Variants in AKAP9 observed in about 807,000 individuals in gnomAD.
AKAP9 encodes A-kinase anchor protein 9.
Under a neutral mutation model 488.5 loss-of-function variants are expected in AKAP9, and 311 were observed. That is an observed-to-expected ratio of 0.64 (90% confidence interval 0.58 to 0.70). The LOEUF (loss-of-function observed/expected upper bound fraction) is 0.70. Ranked by LOEUF, AKAP9 falls within the 30% of genes least tolerant of loss-of-function variation. The pLI, the probability that AKAP9 is intolerant of heterozygous loss-of-function variation, is 0.00. For synonymous variants in AKAP9, 1,462 were observed against 1,483.5 expected, an observed-to-expected ratio of 0.99 and a Z score of 0.33; for missense variants, 4,215 against 4,374.5, an observed-to-expected ratio of 0.96 and a Z score of 1.03.
At chr7:92,053,083 T>C in intron 22 of AKAP9, 125 bp downstream of exon 22, 2 of 755,562 alleles carry the variant, frequency 2.6e-6, no homozygotes, top group African/African-American at 1.7e-5. Flanking sequence ...CTTGAATGCA[T>C]ATGCATCTTA....
At chr7:92,010,043 T>C (rs1261962705) in intron 8 of AKAP9, among the ~76,000 whole-genome samples, 3 of 152,084 alleles carry the variant, frequency 2.0e-5, no homozygotes, top group Non-Finnish European at 2.9e-5. Flanking sequence ...GCACCATGCC[T>C]AGCTAAGATT....
At position 92,071,124 on chromosome 7, in the gene AKAP9, G is replaced by A. The variant is rs746414027; in HGVS notation, c.6612+115G>A. 7.3e-5 allele frequency: 72 copies of A among 981,376 alleles called. No individual in the cohort carries two copies. The South Asian group carries it at 9.7e-4, about 13-fold the overall frequency. The allele number at this position is 981,376 out of a possible 1,614,324, so 60.8% of individuals were successfully genotyped here. Reference sequence around the variant, plus strand: ...ATGATCTAAAACCAAAGTTGAGGCTGTTTCTCAGCTCAATGCCAAAATTGA... The same window carrying A: ...ATGATCTAAAACCAAAGTTGAGGCTATTTCTCAGCTCAATGCCAAAATTGA... On this transcript the variant is annotated intron_variant, in intron 28 of 49. Transcript: ENST00000356239.
chr7:92,106,235 G>A (rs766516860), intron 47 of AKAP9, among the ~76,000 whole-genome samples: 1 of 152,166 alleles, frequency 6.6e-6, no homozygotes, highest in Non-Finnish European at 1.5e-5. Flanking sequence ...GCCAAAACTA[G>A]GTAACTTCAC....
At chr7:92,047,541 T>G (rs1231286596) in intron 21 of AKAP9, among the ~76,000 whole-genome samples, 1 of 152,064 alleles carries the variant, frequency 6.6e-6, no homozygotes, top group Non-Finnish European at 1.5e-5. Context: ...TATAAGCAAT[T>G]TTATGAGTTT....
intron 3 of AKAP9, among the ~76,000 whole-genome samples, chr7:91,981,281 C>T (rs1253202858): frequency 6.6e-6 from 1 of 152,066 alleles, no homozygotes; most frequent in Non-Finnish European, 1.5e-5. Context: ...TCCCTGGGTT[C>T]TGCATTTGAG....
In AKAP9 at chr7:91,988,797, G is replaced by GT. The variant is rs1205502132; in HGVS notation, c.352-3354dup. On this transcript the variant is annotated intron_variant, in intron 3 of 49. Transcript: ENST00000356239. ...TCACTTAAACTCTGAAATACAGTTT[G>GT]TTTTTTTATTATTATTATACTTTAA... 3.3e-5 allele frequency among the ~76,000 whole-genome samples: 5 copies of GT among 152,062 alleles called. No individual in the cohort carries two copies. In the South Asian group the frequency reaches 1.0e-3, roughly 32 times the overall value.
chr7:92,039,952 G>A (rs550167227), intron 17 of AKAP9, among the ~76,000 whole-genome samples: 78 of 152,150 alleles, frequency 5.1e-4, no homozygotes, highest in Non-Finnish European at 8.4e-4. Flanking sequence ...TCCAGCCTGG[G>A]TGACACCAAG....
intron 16 of AKAP9, among the ~76,000 whole-genome samples, chr7:92,033,335 A>G (rs1458891338): frequency 6.6e-6 from 1 of 151,932 alleles, no homozygotes; most frequent in Admixed American, 6.6e-5. Context: ...CTAGAATAAT[A>G]TAGATTGTTG....
At chr7:91,970,623 T>A (rs1794952202) in intron 1 of AKAP9, 1 of 388,592 alleles carries the variant, frequency 2.6e-6, no homozygotes, top group South Asian at 2.0e-5. Flanking sequence ...GCTGTTTTTT[T>A]CCTTCAGCAC....
intron 30 of AKAP9, among the ~76,000 whole-genome samples, chr7:92,078,480 G>A (rs1812986291): frequency 6.6e-6 from 1 of 151,366 alleles, no homozygotes; most frequent in African/African-American, 2.4e-5. Flanking sequence ...AAATTAACTG[G>A]ACATGGTGGC....
chr7:92,097,200 A>T lies in AKAP9; in HGVS notation c.10241A>T (p.Asp3414Val), dbSNP rs1449431323. The change falls in exon 41 of 50, where the codon GAT becomes GTT. Residue 3414 changes from aspartate (D) to valine (V), a missense_variant. Physicochemically the swap from Asp to Val is radical, Grantham distance 152 (BLOSUM62 -3). Coordinates refer to ENST00000356239, the MANE Select transcript of AKAP9 (RefSeq NM_005751.5). Reference protein sequence around the residue: ...KMHELQSKVEDLQRQLEEKRQ... With the variant: ...KMHELQSKVEVLQRQLEEKRQ... ...CATGAGCTCCAGTCCAAAGTGGAAG[A>T]TCTTCAGCGCCAGCTGGAAGAGAAA... 1 of 1,613,118 alleles carries T rather than the reference A, an allele frequency of 6.2e-7. No individual in the cohort carries two copies. The highest frequency in any genetic ancestry group is 1.3e-5 in the African/African-American group (1 of 74,912).
intron 22 of AKAP9, chr7:92,057,508 A>G (rs916742760): frequency 1.7e-5 from 3 of 177,774 alleles, no homozygotes; most frequent in East Asian, 1.9e-4. Flanking sequence ...CAGTGTACCT[A>G]TAGGTAAAGA....
At chr7:92,026,462 G>C (rs988830873) in intron 14 of AKAP9, among the ~76,000 whole-genome samples, 5 of 152,018 alleles carry the variant, frequency 3.3e-5, no homozygotes, top group African/African-American at 1.2e-4. Context: ...GGCCTGCCTA[G>C]TGCCTGGGAT....
At chr7:92,016,062 T>C (rs1168602264) in intron 10 of AKAP9, 67 bp from the exon 11 acceptor site, 5 of 1,357,818 alleles carry the variant, frequency 3.7e-6, no homozygotes, top group Non-Finnish European at 5.2e-6. Context: ...AGGAGAATTA[T>C]GTTTAATCTT....
At position 92,003,212 on chromosome 7, in the gene AKAP9, C is replaced by T; in HGVS notation, c.3295C>T (p.Leu1099Phe). 6.2e-7 allele frequency: 1 copy of T among 1,603,462 alleles called. No individual in the cohort carries two copies. Reference sequence around the variant, plus strand: ...TGAAAATGATAAACTTCAGAAAGAACTCAATGTACTTAAATCAGAACAGGT... The same window carrying T: ...TGAAAATGATAAACTTCAGAAAGAATTCAATGTACTTAAATCAGAACAGGT... ...PSENDKLQKE[L>F]NVLKSEQNDL... The change falls in exon 8 of 50, where the codon CTC becomes TTC. Residue 1099 changes from leucine (L) to phenylalanine (F), a missense_variant. Around this residue, in one of 5 missense-constraint regions of AKAP9, gnomAD observed 2,361 missense variants for 2,430.0 expected, o/e 0.97. Transcript: ENST00000356239.
chr7:92,103,730 A>C (rs998623167), intron 46 of AKAP9, among the ~76,000 whole-genome samples: 2 of 152,042 alleles, frequency 1.3e-5, no homozygotes, highest in African/African-American at 4.8e-5. Context: ...GCCCATGAAC[A>C]AGCTCACACA....
chr7:92,013,242 C>T (rs529802458), intron 9 of AKAP9, among the ~76,000 whole-genome samples: 67 of 151,758 alleles, frequency 4.4e-4, no homozygotes, highest in African/African-American at 1.4e-3. Context: ...CCGCCCGCCT[C>T]GGCCTCCCAA....
In AKAP9 at chr7:91,973,960, TC is replaced by T; in HGVS notation, c.299del (p.Ser100LeufsTer19). ...GEITSHEQGF[S>X]VELESEISTT... ...AATAACCAGTCATGAGCAGGGCTTC[TC>T]TGTGGAAGTAAGTATTCTCCCAGAT... On this transcript the variant is annotated frameshift_variant, in exon 2 of 50. Transcript: ENST00000356239. LOFTEE classifies it high-confidence loss of function. The T allele has an allele frequency of 6.2e-7, 1 of 1,614,068 alleles. No individual in the cohort carries two copies. Among genetic ancestry groups the T allele is most frequent in the Non-Finnish European group, 8.5e-7 (1 of 1,179,978 alleles).
At chr7:92,095,523 G>A (rs1188550643) in intron 40 of AKAP9, among the ~76,000 whole-genome samples, 1 of 152,192 alleles carries the variant, frequency 6.6e-6, no homozygotes, top group Non-Finnish European at 1.5e-5. Flanking sequence ...AAGAGGAACA[G>A]GGATACTTTT....
Sources: allele counts gnomAD v4.1 joint callset (sites outside exome capture counted in the v4.1 genomes callset), GRCh38; gene constraint gnomAD v4.1.1; regional missense constraint gnomAD v4.1.1; transcripts MANE v1.5; gene names NCBI Gene and HGNC (gene_info 2026-07-23, HGNC 2026-07-21).